PPARD: variants seen among roughly 807,000 people sequenced by gnomAD.
PPARD encodes the protein peroxisome proliferator-activated receptor delta.
Under a neutral mutation model 39.5 loss-of-function variants are expected in PPARD, and 6 were observed. The observed-to-expected ratio is 0.15, with a 90% CI of 0.08 to 0.30. The LOEUF (loss-of-function observed/expected upper bound fraction) is 0.30. Among genes scored for constraint, PPARD ranks in the 10% least tolerant of loss-of-function variants. The probability of loss-of-function intolerance (pLI) is 1.00; values close to 1 mark genes in which losing one functional copy is unlikely to be tolerated. For synonymous variants in PPARD, 210 were observed against 231.3 expected (o/e 0.91, Z 0.83); for missense variants, 397 against 596.8 (o/e 0.67, Z 3.49).
At chr6:35,404,522 C>T (rs977496988) in intron 2 of PPARD, among the ~76,000 whole-genome samples, 1 of 152,176 alleles carries the variant, frequency 6.6e-6, no homozygotes, top group Admixed American at 6.5e-5. Flanking sequence ...CCACTCATCC[C>T]CTGGGTAGGG....
intron 1 of PPARD, among the ~76,000 whole-genome samples, chr6:35,343,715 T>C (rs911081249): frequency 7.9e-5 from 12 of 152,342 alleles, no homozygotes; most frequent in South Asian, 2.1e-4. Flanking sequence ...CCAGGAACCC[T>C]TGGGGGAGAC....
At chr6:35,411,937 T>A (rs1415982892) in intron 3 of PPARD, among the ~76,000 whole-genome samples, 1 of 152,118 alleles carries the variant, frequency 6.6e-6, no homozygotes, top group Non-Finnish European at 1.5e-5. Context: ...TTTTTGTTTT[T>A]GTGGTTTTTG....
chr6:35,358,832 T>C (rs137947854), intron 2 of PPARD, among the ~76,000 whole-genome samples: 2 of 152,322 alleles, frequency 1.3e-5, no homozygotes, highest in East Asian at 3.9e-4. Context: ...GTACCTCCTA[T>C]GTGCTAGGCA....
At chr6:35,423,366 T>TA (rs566697782) in intron 5 of PPARD, among the ~76,000 whole-genome samples, 34 of 142,338 alleles carry the variant, frequency 2.4e-4, no homozygotes, top group African/African-American at 3.9e-4. Flanking sequence ...CTGTCTCTAC[T>TA]AAAAAAAAAA....
chr6:35,390,197 A>G (rs9462078), intron 2 of PPARD, among the ~76,000 whole-genome samples: 6,796 of 152,246 alleles, frequency 0.045, 511 homozygotes, highest in African/African-American at 0.15. Context: ...CTACTCCAGA[A>G]TCATCCCTGC....
chr6:35,405,545 G>C (rs1764987990), intron 2 of PPARD, among the ~76,000 whole-genome samples: 1 of 150,982 alleles, frequency 6.6e-6, no homozygotes, highest in Admixed American at 6.6e-5. Context: ...AGGGGAGATA[G>C]CCAACACTGG....
At chr6:35,388,174 G>A (rs755650748) in intron 2 of PPARD, among the ~76,000 whole-genome samples, 1 of 152,060 alleles carries the variant, frequency 6.6e-6, no homozygotes, top group South Asian at 2.1e-4. Flanking sequence ...TTGCAGCTTA[G>A]GATACTCTGC....
chr6:35,369,351 T>C (rs538138104), intron 2 of PPARD, among the ~76,000 whole-genome samples: 2 of 152,322 alleles, frequency 1.3e-5, no homozygotes, highest in Admixed American at 6.5e-5. Flanking sequence ...ATTTGATGGT[T>C]TTTAGTATTT....
chr6:35,416,064 T>G (rs185408920), intron 3 of PPARD, among the ~76,000 whole-genome samples: 2 of 152,180 alleles, frequency 1.3e-5, no homozygotes, highest in African/African-American at 4.8e-5. Context: ...TCTTCTGATT[T>G]AAATGTTAAT....
intron 3 of PPARD, 58 bp from the exon 4 acceptor site, chr6:35,420,069 C>T (rs1335947218): frequency 6.3e-5 from 99 of 1,580,050 alleles, no homozygotes; most frequent in Non-Finnish European, 7.5e-5. Flanking sequence ...GCTGTTCCCA[C>T]GCCCTGGCTT....
chr6:35,394,833 C>T (rs189505248), intron 2 of PPARD, among the ~76,000 whole-genome samples: 1 of 151,814 alleles, frequency 6.6e-6, no homozygotes, highest in East Asian at 1.9e-4. Context: ...GAAATGACCC[C>T]TAAGAGGTAA....
At chr6:35,382,197 G>A (rs566825671) in intron 2 of PPARD, among the ~76,000 whole-genome samples, 19 of 152,310 alleles carry the variant, frequency 1.2e-4, no homozygotes, top group African/African-American at 4.3e-4. Flanking sequence ...TGTGTTTGAA[G>A]AGCCAAGTCC....
chr6:35,414,677 G>T (rs1278719962), intron 3 of PPARD, among the ~76,000 whole-genome samples: 1 of 152,152 alleles, frequency 6.6e-6, no homozygotes, highest in Non-Finnish European at 1.5e-5. Flanking sequence ...GTCAGTGGGG[G>T]TATGTGACAC....
At chr6:35,387,350 G>T (rs1763732366) in intron 2 of PPARD, among the ~76,000 whole-genome samples, 1 of 152,180 alleles carries the variant, frequency 6.6e-6, no homozygotes, top group African/African-American at 2.4e-5. Context: ...ACTCTAGGAA[G>T]CTGGGGAGCA....
intron 2 of PPARD, among the ~76,000 whole-genome samples, chr6:35,381,473 T>C (rs1415349979): frequency 1.3e-5 from 2 of 152,188 alleles, no homozygotes; most frequent in Non-Finnish European, 2.9e-5. Context: ...GGGGACAGTC[T>C]AGGGCTTGTC....
At chr6:35,355,510 C>T (rs1400545221) in intron 2 of PPARD, among the ~76,000 whole-genome samples, 1 of 136,242 alleles carries the variant, frequency 7.3e-6, no homozygotes, top group Non-Finnish European at 1.5e-5. Flanking sequence ...CATATTTGTA[C>T]CACTGTACTC....
At chr6:35,375,535 A>C (rs1047132442) in intron 2 of PPARD, among the ~76,000 whole-genome samples, 2 of 151,006 alleles carry the variant, frequency 1.3e-5, no homozygotes, top group Non-Finnish European at 2.9e-5. Context: ...CTTTATTTCT[A>C]TACATTTTAC....
intron 2 of PPARD, among the ~76,000 whole-genome samples, chr6:35,358,890 G>A (rs995369194): frequency 6.6e-6 from 1 of 152,324 alleles, no homozygotes; most frequent in Non-Finnish European, 1.5e-5. Flanking sequence ...TCCTGCTCTC[G>A]TGGTAACTGA....
At chr6:35,393,235 C>T (rs1348167010) in intron 2 of PPARD, among the ~76,000 whole-genome samples, 3 of 152,048 alleles carry the variant, frequency 2.0e-5, no homozygotes, top group Non-Finnish European at 2.9e-5. Flanking sequence ...TGGGCAGGAG[C>T]GGAGGGAGGG....
Sources: gnomAD v4.1 joint callset for allele counts (sites outside exome capture counted in the v4.1 genomes callset) on GRCh38, gnomAD v4.1.1 for gene constraint, MANE v1.5 for transcripts, NCBI Gene and HGNC (gene_info 2026-07-23, HGNC 2026-07-21) for gene names.